COL8A1: variants seen among roughly 807,000 people sequenced by gnomAD.
COL8A1 encodes collagen alpha-1(VIII) chain.
Under a neutral mutation model 42.7 loss-of-function variants are expected in COL8A1, and 21 were observed. The ratio of observed to expected loss-of-function variants is 0.49; its 90% confidence interval spans 0.35 to 0.71. COL8A1 has a LOEUF of 0.71. COL8A1 is among the 30% of genes least tolerant of loss of function. COL8A1 has a pLI of 0.01. For synonymous variants in COL8A1, 367 were observed against 369.1 expected, an observed-to-expected ratio of 0.99 and a Z score of 0.06; for missense variants, 788 against 962.4, an observed-to-expected ratio of 0.82 and a Z score of 2.40.
At chr3:99,768,720 C>T (rs1172055310) in intron 2 of COL8A1, among the ~76,000 whole-genome samples, 1 of 152,200 alleles carries the variant, frequency 6.6e-6, no homozygotes, top group African/African-American at 2.4e-5. Context: ...CTCACCCTTC[C>T]TAGTGTCCCC....
intron 1 of COL8A1, among the ~76,000 whole-genome samples, chr3:99,693,022 G>A (rs1180134112): frequency 1.3e-5 from 2 of 152,148 alleles, no homozygotes; most frequent in South Asian, 2.1e-4. Flanking sequence ...AGCCAGGCGT[G>A]GTGGCGTGTG....
chr3:99,780,904 A>G (rs1480735566), intron 2 of COL8A1, among the ~76,000 whole-genome samples: 1 of 152,176 alleles, frequency 6.6e-6, no homozygotes, highest in African/African-American at 2.4e-5. Context: ...TCCAATACCA[A>G]GATAGCTGTG....
At chr3:99,686,772 C>T (rs1462869727) in intron 1 of COL8A1, among the ~76,000 whole-genome samples, 1 of 152,136 alleles carries the variant, frequency 6.6e-6, no homozygotes, top group African/African-American at 2.4e-5. Context: ...CCTCCCTAGC[C>T]TTAGGTGATC....
chr3:99,686,138 C>A (rs1939043640), intron 1 of COL8A1, among the ~76,000 whole-genome samples: 1 of 152,096 alleles, frequency 6.6e-6, no homozygotes, highest in South Asian at 2.1e-4. Context: ...ATTTCCCAGA[C>A]AATGCACAGT....
At chr3:99,645,095 A>G (rs758696119) in intron 1 of COL8A1, among the ~76,000 whole-genome samples, 2 of 152,208 alleles carry the variant, frequency 1.3e-5, no homozygotes, top group Admixed American at 6.5e-5. Context: ...TTTCAAGCCA[A>G]CATCCCATTT....
chr3:99,708,502 C>T (rs1939745591), intron 1 of COL8A1, among the ~76,000 whole-genome samples: 1 of 152,126 alleles, frequency 6.6e-6, no homozygotes, highest in East Asian at 1.9e-4. Flanking sequence ...ATGATAAAAC[C>T]TTCCACCCGA....
At chr3:99,793,105 C>G (rs757990498) in intron 3 of COL8A1, among the ~76,000 whole-genome samples, 3 of 152,022 alleles carry the variant, frequency 2.0e-5, no homozygotes, top group Non-Finnish European at 4.4e-5. Context: ...ATGGTGGTTA[C>G]CAGAGGCCTT....
chr3:99,737,279 G>C (rs1234642822), intron 1 of COL8A1, among the ~76,000 whole-genome samples: 2 of 151,808 alleles, frequency 1.3e-5, no homozygotes, highest in Non-Finnish European at 2.9e-5. Flanking sequence ...TATGATGTTA[G>C]CTGGTTATGT....
intron 2 of COL8A1, among the ~76,000 whole-genome samples, chr3:99,774,060 G>T (rs1032446984): frequency 4.0e-5 from 6 of 150,046 alleles, no homozygotes; most frequent in African/African-American, 1.5e-4. Flanking sequence ...GGCCAGGCTG[G>T]TCTCAAACTC....
At chr3:99,781,096 T>G (rs182759119) in intron 2 of COL8A1, among the ~76,000 whole-genome samples, 2 of 152,356 alleles carry the variant, frequency 1.3e-5, no homozygotes, top group East Asian at 3.9e-4. Context: ...TAAATGTTTT[T>G]CAGTTTAAAT....
At chr3:99,773,107 T>C (rs1452272053) in intron 2 of COL8A1, among the ~76,000 whole-genome samples, 1 of 152,194 alleles carries the variant, frequency 6.6e-6, no homozygotes, top group Non-Finnish European at 1.5e-5. Context: ...TTAAATGGGA[T>C]AACTTATTTG....
At chr3:99,740,653 G>A (rs759773264) in intron 1 of COL8A1, among the ~76,000 whole-genome samples, 1 of 152,024 alleles carries the variant, frequency 6.6e-6, no homozygotes, top group Non-Finnish European at 1.5e-5. Flanking sequence ...CAACATGTGG[G>A]GATTATGGAA....
chr3:99,645,190 A>G (rs1937619552), intron 1 of COL8A1, among the ~76,000 whole-genome samples: 1 of 152,176 alleles, frequency 6.6e-6, no homozygotes, highest in Non-Finnish European at 1.5e-5. Context: ...ATTGTACATT[A>G]TTGTATTTCT....
chr3:99,767,824 T>C (rs535090630), intron 2 of COL8A1, among the ~76,000 whole-genome samples: 7 of 152,136 alleles, frequency 4.6e-5, no homozygotes, highest in African/African-American at 1.7e-4. Flanking sequence ...GAGTGAGAAG[T>C]AAAGATAATA....
intron 2 of COL8A1, among the ~76,000 whole-genome samples, chr3:99,784,778 C>T (rs1298501780): frequency 6.6e-6 from 1 of 152,142 alleles, no homozygotes; most frequent in Non-Finnish European, 1.5e-5. Flanking sequence ...CATTATGCAC[C>T]TCATGACTAC....
At chr3:99,751,567 A>G (rs1293667178) in intron 2 of COL8A1, among the ~76,000 whole-genome samples, 1 of 152,214 alleles carries the variant, frequency 6.6e-6, no homozygotes, top group Non-Finnish European at 1.5e-5. Flanking sequence ...AAAGAAAAGA[A>G]AATTTATCTT....
chr3:99,711,287 T>C (rs1053017740), intron 1 of COL8A1, among the ~76,000 whole-genome samples: 3 of 152,140 alleles, frequency 2.0e-5, no homozygotes, highest in African/African-American at 4.8e-5. Context: ...GTGATCGTTA[T>C]TCAGTAGTTA....
At chr3:99,703,202 T>C (rs1480791612) in intron 1 of COL8A1, 2 of 152,246 alleles carry the variant, frequency 1.3e-5, no homozygotes, top group African/African-American at 2.4e-5. Flanking sequence ...AGAATCAGTC[T>C]GGCTGCTCTG....
At position 99,795,316 on chromosome 3, in the gene COL8A1, T is replaced by C; in HGVS notation, c.1415T>C (p.Leu472Pro). ...GCTGGGCAAAAAGGTGTACCAGGAC[T>C]CCCTGGTGTTCCAGGGCTTCTCGGA... ...GEAGQKGVPGLPGVPGLLGPK... is the reference protein window; with the variant it reads ...GEAGQKGVPGPPGVPGLLGPK... Residue 472 changes from leucine to proline, a missense_variant, in exon 4 of 4, where the codon CTC becomes CCC. By Grantham distance (98) the Leu-to-Pro change is moderately conservative. Coordinates refer to ENST00000652472, the MANE Select transcript of COL8A1 (RefSeq NM_020351.4). The C allele has an allele frequency of 6.2e-7, 1 of 1,606,302 alleles. No individual in the cohort carries two copies. The highest frequency in any genetic ancestry group is 8.5e-7 in the Non-Finnish European group (1 of 1,176,318).
Sources: gnomAD v4.1 joint callset for allele counts (sites outside exome capture counted in the v4.1 genomes callset) on GRCh38, gnomAD v4.1.1 for gene constraint, MANE v1.5 for transcripts, NCBI Gene and HGNC (gene_info 2026-07-23, HGNC 2026-07-21) for gene names.